Variants in SPTAN1 observed in about 807,000 individuals in gnomAD.
The protein encoded by SPTAN1 is spectrin alpha chain, non-erythrocytic 1.
Under a neutral mutation model 331.3 loss-of-function variants are expected in SPTAN1, and 61 were observed. The ratio of observed to expected loss-of-function variants is 0.18; its 90% CI spans 0.15 to 0.23. SPTAN1 has a LOEUF of 0.23. Among genes scored for constraint, SPTAN1 ranks in the 10% least tolerant of loss-of-function variants. The probability of loss-of-function intolerance (pLI) is 1.00; values close to 1 mark genes in which losing one functional copy is unlikely to be tolerated. For missense variants in SPTAN1, 2,043 were observed against 3,147.9 expected (o/e 0.65, Z 8.40); for synonymous variants, 1,153 against 1,173.9 (o/e 0.98, Z 0.36).
intron 19 of SPTAN1, 66 bp from the exon 20 acceptor site, chr9:128,587,540 G>C: frequency 7.5e-7 from 1 of 1,329,282 alleles, no homozygotes; most frequent in South Asian, 1.2e-5. Context: ...TGGCAGGTTG[G>C]CGAGGCAGTG....
At chr9:128,553,815 A>G (rs538147929) in intron 1 of SPTAN1, among the ~76,000 whole-genome samples, 2 of 152,322 alleles carry the variant, frequency 1.3e-5, no homozygotes, top group South Asian at 4.1e-4. Flanking sequence ...CGGGAAGAAC[A>G]GGAGAGAGGC....
chr9:128,623,796 C>T (rs1269450061), intron 45 of SPTAN1, among the ~76,000 whole-genome samples: 1 of 151,792 alleles, frequency 6.6e-6, no homozygotes, highest in Non-Finnish European at 1.5e-5. Flanking sequence ...GAATTAATTC[C>T]TTGGACCGGC....
chr9:128,621,138 C>T lies in SPTAN1; in HGVS notation c.5734-20C>T. The stretch of plus-strand genomic sequence containing the variant: ...ACATAGCAGGCTCTCAATAGTGTGC[C>T]TTGGCTGCTTCTACTCCAGGGCTTA... On this transcript the variant is annotated intron_variant, in intron 44 of 56. Transcript: ENST00000372739. 6.2e-7 allele frequency: 1 copy of T among 1,613,082 alleles called. No individual in the cohort carries two copies. The highest frequency in any genetic ancestry group is 8.5e-7 in the Non-Finnish European group (1 of 1,179,060).
intron 5 of SPTAN1, among the ~76,000 whole-genome samples, chr9:128,575,823 A>G (rs1468022994): frequency 6.6e-6 from 1 of 152,192 alleles, no homozygotes; most frequent in Non-Finnish European, 1.5e-5. Context: ...AGAGGGAATG[A>G]CAACCCTTCC....
chr9:128,561,717 T>C (rs1177631366), intron 1 of SPTAN1, among the ~76,000 whole-genome samples: 1 of 142,158 alleles, frequency 7.0e-6, no homozygotes, highest in African/African-American at 2.6e-5. Context: ...ACTCTAATCA[T>C]GTTAAGAATC....
intron 24 of SPTAN1, 30 bp downstream of exon 24, chr9:128,594,403 A>T: frequency 2.1e-6 from 3 of 1,415,970 alleles, no homozygotes; most frequent in Non-Finnish European, 2.0e-6. Context: ...TCAGCTGAAA[A>T]TTTGTTTAAA....
chr9:128,561,519 C>T (rs1227692697), intron 1 of SPTAN1, among the ~76,000 whole-genome samples: 11 of 149,740 alleles, frequency 7.3e-5, no homozygotes, highest in Non-Finnish European at 1.0e-4. Flanking sequence ...AAAAATTAGC[C>T]GGGCGAGGTG....
At chr9:128,607,575 A>C (rs1044732925) in intron 31 of SPTAN1, 29 bp from the exon 32 acceptor site, 2 of 1,563,026 alleles carry the variant, frequency 1.3e-6, no homozygotes, top group Non-Finnish European at 1.8e-6. Flanking sequence ...GTAATATAAT[A>C]GCTATTTTTC....
At chr9:128,584,933 C>A (rs547516794) in intron 18 of SPTAN1, 90 bp downstream of exon 18, 7 of 1,519,718 alleles carry the variant, frequency 4.6e-6, no homozygotes, top group Middle Eastern at 2.0e-4. Flanking sequence ...CATCACAAAC[C>A]AGGCTCTGGG....
chr9:128,615,269 C>T (rs967906844), intron 40 of SPTAN1, among the ~76,000 whole-genome samples: 3 of 152,084 alleles, frequency 2.0e-5, no homozygotes, highest in African/African-American at 7.2e-5. Context: ...GTAAAATTAA[C>T]TTTCACTGCC....
intron 51 of SPTAN1, 161 bp from the exon 52 acceptor site, chr9:128,630,160 C>T: frequency 1.2e-6 from 1 of 815,078 alleles, no homozygotes; most frequent in Non-Finnish European, 2.2e-6. Flanking sequence ...ATCCCTCGAT[C>T]CCTGGGGCCC....
chr9:128,618,696 G>A (rs920310393), intron 43 of SPTAN1, among the ~76,000 whole-genome samples, 175 bp from the exon 44 acceptor site: 10 of 152,058 alleles, frequency 6.6e-5, no homozygotes, highest in Non-Finnish European at 1.3e-4. Flanking sequence ...TCTTAGCCAG[G>A]ATGGTCTCGA....
intron 43 of SPTAN1, 72 bp downstream of exon 43, chr9:128,618,180 G>C: frequency 1.2e-6 from 2 of 1,602,728 alleles, no homozygotes; most frequent in Non-Finnish European, 8.5e-7. Flanking sequence ...TCTGAGCTGT[G>C]GGGGTCCAGT....
intron 21 of SPTAN1, among the ~76,000 whole-genome samples, chr9:128,591,255 A>G (rs1203417281): frequency 1.3e-5 from 2 of 151,642 alleles, no homozygotes; most frequent in Non-Finnish European, 2.9e-5. Context: ...TTTAGTAGAG[A>G]CGGGGTTTCA....
At chr9:128,611,887 C>T (rs749408098) in intron 38 of SPTAN1, 42 bp downstream of exon 38, 15 of 1,613,584 alleles carry the variant, frequency 9.3e-6, no homozygotes, top group Middle Eastern at 1.6e-4. Context: ...GGAAGATGAC[C>T]ACCGTCACTG....
intron 27 of SPTAN1, among the ~76,000 whole-genome samples, chr9:128,602,924 G>T (rs987427752): frequency 6.6e-6 from 1 of 152,152 alleles, no homozygotes; most frequent in Non-Finnish European, 1.5e-5. Flanking sequence ...GCGTGAGCCA[G>T]CATGCCTAGC....
Position 128,593,929 on chromosome 9 carries a change from A to G in SPTAN1, c.3216-246A>G, listed in dbSNP as rs941283388. 9.6e-6 allele frequency: 5 copies of G among 522,716 alleles called. No individual in the cohort carries two copies. In the East Asian group the frequency reaches 1.8e-4, roughly 19 times the overall value. The allele number at this position is 522,716 out of a possible 1,614,324, so 32.4% of individuals were successfully genotyped here. The stretch of plus-strand genomic sequence containing the variant: ...TTCTAAGTGCAGAATCGGCCTGGGG[A>G]TAAGTGTGCCTGGCTGTTCTAGCCA... On this transcript the variant is annotated intron_variant, in intron 23 of 56. Coordinates refer to ENST00000372739, the MANE Select transcript of SPTAN1 (RefSeq NM_001130438.3).
intron 1 of SPTAN1, among the ~76,000 whole-genome samples, chr9:128,563,024 A>ATATATATATATATATATG (rs1564188712): frequency 7.1e-5 from 10 of 140,574 alleles, no homozygotes; most frequent in African/African-American, 2.7e-4. Context: ...ATATATATAT[A>ATATATATATATATATATG]TATGTATATA....
rs2132577129 is a variant in SPTAN1, at chr9:128,552,711, CGGGGA to C, written c.-4+17_-4+21del. The C allele has an allele frequency of 6.6e-6, 1 of 151,934 alleles. No homozygotes were observed. Among genetic ancestry groups the C allele is most frequent in the Admixed American group, 6.5e-5 (1 of 15,290 alleles). The allele number at this position is 151,934 out of a possible 1,614,324, so 9.4% of individuals were successfully genotyped here. On this transcript the variant is annotated intron_variant, in intron 1 of 56. Coordinates refer to ENST00000372739, the MANE Select transcript of SPTAN1 (RefSeq NM_001130438.3). The surrounding 1 kb of genome is among the most constrained non-coding windows in gnomAD (Gnocchi z 4.6). ...CCCGAGAGCCGGTGAGAGGGGCAGC[CGGGGA>C]GCTCCGGGAGGGAGCGGGGCCCCGG...
Sources: gnomAD v4.1 joint callset for allele counts (sites outside exome capture counted in the v4.1 genomes callset) on GRCh38, gnomAD v4.1.1 for gene constraint, Gnocchi (gnomAD v3.1) non-coding constraint, MANE v1.5 for transcripts, NCBI Gene and HGNC (gene_info 2026-07-23, HGNC 2026-07-21) for gene names.